AGBL1: variants seen among roughly 807,000 people sequenced by gnomAD.
AGBL1 encodes AGBL carboxypeptidase 1, also known as cytosolic carboxypeptidase 4.
A neutral mutation model predicts 118.9 loss-of-function variants in AGBL1; 130 were observed. The ratio of observed to expected loss-of-function variants is 1.09; its 90% CI spans 0.95 to 1.26. The LOEUF is 1.26. Ranked by LOEUF, AGBL1 falls within the 50% of genes most tolerant of loss-of-function variation. AGBL1 has a pLI of 0.00. For synonymous variants in AGBL1, 555 were observed against 478.9 expected (o/e 1.16, Z -2.08); for missense variants, 1,584 against 1,298.1 (o/e 1.22, Z -3.38).
At chr15:86,702,478 A>G (rs2086377357) in intron 22 of AGBL1, among the ~76,000 whole-genome samples, 1 of 152,082 alleles carries the variant, frequency 6.6e-6, no homozygotes, top group African/African-American at 2.4e-5. Context: ...TTATTTTATC[A>G]TCACTTGTTT....
intron 15 of AGBL1, among the ~76,000 whole-genome samples, chr15:86,275,171 C>A (rs921711239): frequency 1.3e-5 from 2 of 152,104 alleles, no homozygotes; most frequent in East Asian, 3.8e-4. Context: ...AATTTTGGTG[C>A]TGAAGGGCAG....
At chr15:86,179,946 T>A in intron 5 of AGBL1, among the ~76,000 whole-genome samples, 1 of 152,292 alleles carries the variant, frequency 6.6e-6, no homozygotes, top group South Asian at 2.1e-4. Flanking sequence ...TAATATAGTT[T>A]ACAATAGCAA....
rs1382790473 is a variant in AGBL1 at position 86,264,826 on chromosome 15, G to A, written c.1655G>A (p.Cys552Tyr). 2 of 1,606,656 alleles carry A rather than the reference G, an allele frequency of 1.2e-6. No homozygotes were observed. The highest frequency in any genetic ancestry group is 1.7e-6 in the Non-Finnish European group (2 of 1,177,218). Residue 552 changes from cysteine (C) to tyrosine (Y), a missense_variant, in exon 11 of 23, where the codon TGT becomes TAT. Transcript: ENST00000614907. ...ACCCAGCCTATGTTGGAACGAAAAT[G>A]TGGAGTCCAAAGGTGATGGCGCTAC... ...PTTQPMLERK[C>Y]GVQRIRIFED... is the part of the protein sequence containing the mutation.
intron 23 of AGBL1, among the ~76,000 whole-genome samples, chr15:86,930,864 G>T: frequency 6.6e-6 from 1 of 152,144 alleles, no homozygotes; most frequent in East Asian, 1.9e-4. Flanking sequence ...GGTAATAGTG[G>T]CTTAAAACAA....
At chr15:86,586,010 T>C (rs994082646) in intron 21 of AGBL1, among the ~76,000 whole-genome samples, 6 of 152,240 alleles carry the variant, frequency 3.9e-5, no homozygotes, top group African/African-American at 1.2e-4. Context: ...CAGTGTCTAT[T>C]TAGACACACA....
chr15:86,249,752 A>G (rs1448767577), intron 7 of AGBL1, among the ~76,000 whole-genome samples: 2 of 152,198 alleles, frequency 1.3e-5, no homozygotes, highest in African/African-American at 4.8e-5. Flanking sequence ...AAAACCAACC[A>G]AACAATAAAC....
intron 23 of AGBL1, among the ~76,000 whole-genome samples, chr15:86,928,540 A>T (rs538784464): frequency 6.6e-6 from 1 of 152,196 alleles, no homozygotes; most frequent in Admixed American, 6.5e-5. Context: ...TTTCCACTGC[A>T]CTATCACGTG....
At chr15:86,882,894 A>G (rs1165438386) in intron 22 of AGBL1, among the ~76,000 whole-genome samples, 1 of 152,230 alleles carries the variant, frequency 6.6e-6, no homozygotes, top group Non-Finnish European at 1.5e-5. Flanking sequence ...TGAAAATAGT[A>G]CTAGAATTTT....
intron 22 of AGBL1, among the ~76,000 whole-genome samples, chr15:86,680,565 C>CTTTTTTTT (rs34873609): frequency 1.5e-3 from 142 of 94,696 alleles, no homozygotes; most frequent in Non-Finnish European, 1.8e-3. Context: ...TCTTTCTTTT[C>CTTTTTTTT]TTTTTTTTTT....
At chr15:86,934,178 G>T (rs1281839201) in intron 23 of AGBL1, among the ~76,000 whole-genome samples, 7 of 152,178 alleles carry the variant, frequency 4.6e-5, no homozygotes, top group Admixed American at 3.9e-4. Flanking sequence ...CTGTGAGCTG[G>T]GGAGAGGAGT....
rs1186526568 is a variant in AGBL1, at chr15:86,493,605, C to T, written c.2556-29205C>T. Reference sequence around the variant, plus strand: ...CCTCACTTTTGGAGGTCTGAGTCTTCCCCAACATTTTCAAGATTTCATGAA... The same window carrying T: ...CCTCACTTTTGGAGGTCTGAGTCTTTCCCAACATTTTCAAGATTTCATGAA... On this transcript the variant is annotated intron_variant, in intron 18 of 22. Transcript: ENST00000614907. 2.0e-5 allele frequency among the ~76,000 whole-genome samples: 3 copies of T among 151,966 alleles called. No individual in the cohort carries two copies. The East Asian group carries it at 5.8e-4, about 30-fold the overall frequency.
intron 22 of AGBL1, among the ~76,000 whole-genome samples, chr15:86,761,913 CTATGTACTGAA>C (rs1442668050): frequency 6.6e-6 from 1 of 152,022 alleles, no homozygotes; most frequent in African/African-American, 2.4e-5. Context: ...TTGCCCATGC[CTATGTACTGAA>C]TGGTATTGCC....
intron 22 of AGBL1, among the ~76,000 whole-genome samples, chr15:86,799,943 T>A (rs558323714): frequency 6.6e-5 from 10 of 152,204 alleles, no homozygotes; most frequent in African/African-American, 2.4e-4. Context: ...TCCATATAAT[T>A]ACCCAGGTAT....
chr15:86,481,851 T>C lies in AGBL1; in HGVS notation c.2556-40959T>C, dbSNP rs77277980. On this transcript the variant is annotated intron_variant, in intron 18 of 22. Transcript: ENST00000614907. The stretch of plus-strand genomic sequence containing the variant: ...AATATAGCATCTCTGATAGATATTG[T>C]CTGACTCAAGACTTGACTGCAGTAG... Among the ~76,000 whole-genome samples, 804 of 152,242 alleles carry C rather than the reference T, an allele frequency of 5.3e-3. 5 individuals carry two copies. Among genetic ancestry groups the C allele is most frequent in the African/African-American group, 0.018 (765 of 41,576 alleles).
chr15:87,006,876 AAAAGT>A (rs1336817394), intron 24 of AGBL1, among the ~76,000 whole-genome samples: 1 of 152,160 alleles, frequency 6.6e-6, no homozygotes, highest in Non-Finnish European at 1.5e-5. Flanking sequence ...GGAATGAGAG[AAAAGT>A]AAAGGATCTG....
intron 21 of AGBL1, among the ~76,000 whole-genome samples, chr15:86,664,650 A>T (rs2085610633): frequency 6.6e-6 from 1 of 152,170 alleles, no homozygotes; most frequent in Non-Finnish European, 1.5e-5. Flanking sequence ...ACCCTAAAAA[A>T]GTTAAGGGGA....
chr15:86,278,804 G>A (rs540488339), intron 15 of AGBL1, among the ~76,000 whole-genome samples: 2 of 152,280 alleles, frequency 1.3e-5, no homozygotes, highest in Middle Eastern at 3.4e-3. Context: ...AGTTGGCAGC[G>A]TGTGGGGAAA....
At chr15:86,448,396 G>A (rs1687277107) in intron 18 of AGBL1, among the ~76,000 whole-genome samples, 1 of 152,180 alleles carries the variant, frequency 6.6e-6, no homozygotes, top group Admixed American at 6.5e-5. Context: ...CTACTCATGA[G>A]TTAAGCATGC....
At chr15:86,344,555 G>C (rs1378128670) in intron 17 of AGBL1, among the ~76,000 whole-genome samples, 1 of 151,902 alleles carries the variant, frequency 6.6e-6, no homozygotes, top group Non-Finnish European at 1.5e-5. Context: ...CAGGAGTTAA[G>C]AGTGAGGGCT....
Sources: gnomAD v4.1 joint callset for allele counts (sites outside exome capture counted in the v4.1 genomes callset) on GRCh38, gnomAD v4.1.1 for gene constraint, MANE v1.5 for transcripts, NCBI Gene and HGNC (gene_info 2026-07-23, HGNC 2026-07-21) for gene names.